TXK: variants seen among roughly 807,000 people sequenced by gnomAD.
TXK encodes tyrosine-protein kinase TXK.
A neutral mutation model predicts 81.0 loss-of-function variants in TXK; 60 were observed. The ratio of observed to expected loss-of-function variants is 0.74; its 90% CI spans 0.60 to 0.92. The LOEUF (loss-of-function observed/expected upper bound fraction) is 0.92, where lower values mean the gene tolerates loss of function less well. Ranked by LOEUF, TXK falls within the 40% of genes least tolerant of loss-of-function variation. The pLI is 0.00. For synonymous variants in TXK, 203 were observed against 210.7 expected (o/e 0.96, Z 0.32); for missense variants, 581 against 638.3 (o/e 0.91, Z 0.97).
At chr4:48,088,384 A>C (rs781498067) in intron 9 of TXK, among the ~76,000 whole-genome samples, 3 of 152,244 alleles carry the variant, frequency 2.0e-5, no homozygotes, top group Non-Finnish European at 2.9e-5. Context: ...GTTCTTAACA[A>C]TATTATTTGT....
At chr4:48,118,353 C>G (rs1377400288) in intron 1 of TXK, among the ~76,000 whole-genome samples, 15 of 152,158 alleles carry the variant, frequency 9.9e-5, no homozygotes, top group Non-Finnish European at 2.2e-4. Flanking sequence ...CAAGAGGCCA[C>G]TGGTGTGAAT....
chr4:48,131,207 C>A (rs531087746), intron 1 of TXK, among the ~76,000 whole-genome samples: 1 of 152,136 alleles, frequency 6.6e-6, no homozygotes, highest in Non-Finnish European at 1.5e-5. Flanking sequence ...CAATATCCCA[C>A]GCTCCACAAT....
chr4:48,082,652 A>C (rs1381394041), intron 10 of TXK, among the ~76,000 whole-genome samples: 1 of 152,178 alleles, frequency 6.6e-6, no homozygotes, highest in Non-Finnish European at 1.5e-5. Context: ...CTATGGCCTT[A>C]AGTGAGAACA....
At position 48,094,103 on chromosome 4, in the gene TXK, AT is replaced by A. The variant is rs1291457107; in HGVS notation, c.682del (p.Ile228SerfsTer12). The part of the protein sequence containing the change: ...RHAFQSIPEL[I>X]WYHQHNAAGL... ...GGCTGCATTGTGCTGGTGATACCAG[AT>A]TAACTCAGGGATTGATTGAAAGGCG... On this transcript the variant is annotated frameshift_variant, in exon 8 of 15. Transcript: ENST00000264316. LOFTEE classifies it high-confidence loss of function. 1 of 1,613,590 alleles carries A rather than the reference AT, an allele frequency of 6.2e-7. No homozygotes were observed. Among genetic ancestry groups the A allele is most frequent in the Non-Finnish European group, 8.5e-7 (1 of 1,180,042 alleles).
intron 10 of TXK, among the ~76,000 whole-genome samples, chr4:48,083,778 T>C (rs1205476211): frequency 6.6e-6 from 1 of 152,192 alleles, no homozygotes; most frequent in African/African-American, 2.4e-5. Flanking sequence ...AGAGCTTGCA[T>C]GCTAGTGGGA....
At chr4:48,089,511 C>T in intron 9 of TXK, 2 of 327,468 alleles carry the variant, frequency 6.1e-6, no homozygotes, top group Non-Finnish European at 1.2e-5. Context: ...CTGCCTCAGC[C>T]TCCCAAGTAG....
intron 7 of TXK, 25 bp from the exon 8 acceptor site, chr4:48,094,229 C>T: frequency 3.1e-6 from 5 of 1,610,292 alleles, no homozygotes; most frequent in Admixed American, 3.3e-5. Flanking sequence ...ATGTGAATTA[C>T]TAGAAATGTG....
At chr4:48,083,749 A>C (rs1240246323) in intron 10 of TXK, among the ~76,000 whole-genome samples, 1 of 152,250 alleles carries the variant, frequency 6.6e-6, no homozygotes, top group Non-Finnish European at 1.5e-5. Flanking sequence ...GGAGAAATAA[A>C]TAAAGGTTAT....
chr4:48,074,124 T>C, intron 12 of TXK, 71 bp from the exon 13 acceptor site: 1 of 1,220,732 alleles, frequency 8.2e-7, no homozygotes, highest in East Asian at 2.4e-5. Flanking sequence ...ATCCCTTTAG[T>C]TAACTCTAAG....
intron 14 of TXK, among the ~76,000 whole-genome samples, chr4:48,069,507 T>C (rs1344195003): frequency 6.6e-6 from 1 of 151,866 alleles, no homozygotes. Context: ...TTTGTATTTT[T>C]AGTAGAGACG....
chr4:48,115,447 A>G (rs1718776023), intron 1 of TXK, among the ~76,000 whole-genome samples: 1 of 152,144 alleles, frequency 6.6e-6, no homozygotes, highest in Non-Finnish European at 1.5e-5. Context: ...AAGCTTAAAG[A>G]TAAACTGAAT....
chr4:48,104,595 T>G (rs71611579), intron 6 of TXK, among the ~76,000 whole-genome samples: 4,889 of 15,328 alleles, frequency 0.32, 1,732 homozygotes, highest in East Asian at 0.67. Flanking sequence ...TATATATATA[T>G]AGAGAGAGAG....
chr4:48,115,260 C>A (rs1156379011), intron 1 of TXK, among the ~76,000 whole-genome samples: 1 of 152,048 alleles, frequency 6.6e-6, no homozygotes, highest in Non-Finnish European at 1.5e-5. Context: ...TCCATATATT[C>A]TCATTGTTCA....
chr4:48,100,927 T>C (rs1021713654), intron 6 of TXK, among the ~76,000 whole-genome samples: 1 of 151,882 alleles, frequency 6.6e-6, no homozygotes, highest in Non-Finnish European at 1.5e-5. Flanking sequence ...AAAAAATATA[T>C]ATATAAAAAT....
intron 5 of TXK, among the ~76,000 whole-genome samples, chr4:48,105,906 A>G (rs1718440565): frequency 6.6e-6 from 1 of 152,192 alleles, no homozygotes; most frequent in Non-Finnish European, 1.5e-5. Flanking sequence ...ACTTTAGAAT[A>G]TCAGAAGTAC....
At chr4:48,089,100 G>T (rs1328541721) in intron 9 of TXK, among the ~76,000 whole-genome samples, 12 of 152,282 alleles carry the variant, frequency 7.9e-5, no homozygotes, top group Non-Finnish European at 2.9e-5. Flanking sequence ...GCTTCTCTTG[G>T]AGAGGAATCA....
chr4:48,075,533 C>G (rs1051214960), intron 12 of TXK, among the ~76,000 whole-genome samples: 1 of 152,052 alleles, frequency 6.6e-6, no homozygotes, highest in African/African-American at 2.4e-5. Context: ...GCCTGTAGTT[C>G]CAGCTACTCG....
At chr4:48,105,717 T>A in intron 5 of TXK, among the ~76,000 whole-genome samples, 1 of 152,104 alleles carries the variant, frequency 6.6e-6, no homozygotes, top group East Asian at 1.9e-4. Flanking sequence ...ACAGAATACA[T>A]GGAACAACCA....
intron 5 of TXK, among the ~76,000 whole-genome samples, chr4:48,109,812 A>T (rs1282709451): frequency 6.6e-6 from 1 of 152,240 alleles, no homozygotes; most frequent in Non-Finnish European, 1.5e-5. Context: ...CCTGGTTCTC[A>T]GAGAAGCACT....
Sources: allele counts gnomAD v4.1 joint callset (sites outside exome capture counted in the v4.1 genomes callset), GRCh38; gene constraint gnomAD v4.1.1; transcripts MANE v1.5; gene names NCBI Gene and HGNC (gene_info 2026-07-23, HGNC 2026-07-21).